The following MYO16 variants were observed in gnomAD, a reference collection of about 807,000 sequenced individuals.
MYO16 encodes the protein unconventional myosin-XVI.
MYO16 carries 94 observed loss-of-function variants against 205.3 expected under a neutral mutation model. That is an observed-to-expected ratio of 0.46 (90% CI 0.39 to 0.54). The LOEUF is 0.54. Among genes scored for constraint, MYO16 ranks in the 20% least tolerant of loss-of-function variants. MYO16 has a pLI of 0.00. For synonymous variants in MYO16, 988 were observed against 954.0 expected (o/e 1.04, Z -0.66); for missense variants, 2,315 against 2,387.5 (o/e 0.97, Z 0.63).
intron 16 of MYO16, among the ~76,000 whole-genome samples, chr13:108,956,521 C>CTT (rs34656407): frequency 3.6e-4 from 55 of 151,230 alleles, no homozygotes; most frequent in East Asian, 1.4e-3. Flanking sequence ...ATGACAAACT[C>CTT]TTTTTTTTTC....
At chr13:108,844,606 T>G (rs764670481) in intron 10 of MYO16, 113 bp downstream of exon 10, 1 of 1,059,508 alleles carries the variant, frequency 9.4e-7, no homozygotes, top group Non-Finnish European at 1.3e-6. Flanking sequence ...CAAAGACAAT[T>G]AATGCATAGA....
chr13:108,592,086 A>T (rs1408506505), upstream of MYO16, among the ~76,000 whole-genome samples: 21 of 27,284 alleles, frequency 7.7e-4, no homozygotes, highest in Non-Finnish European at 1.3e-3. Context: ...GTGGGGGTGG[A>T]GGTGCAGGGG....
chr13:108,985,783 G>T (rs948373722), intron 20 of MYO16, among the ~76,000 whole-genome samples: 2 of 152,194 alleles, frequency 1.3e-5, no homozygotes, highest in African/African-American at 4.8e-5. Flanking sequence ...CTGCATTTAA[G>T]TGCTTCTCAT....
In MYO16 at chr13:109,023,644, AATATATGT is replaced by A. The variant is rs1408455476; in HGVS notation, c.2796+3749_2796+3756del. 2.9e-4 allele frequency among the ~76,000 whole-genome samples: 32 copies of A among 108,938 alleles called. 1 individual carries two copies. The highest frequency in any genetic ancestry group is 9.1e-4 in the African/African-American group (28 of 30,786). The allele number at this position is 108,938 out of a possible 152,430, so 71.5% of individuals were successfully genotyped here. On this transcript the variant is annotated intron_variant, in intron 23 of 34. Transcript: ENST00000457511. ...AAATATATAGACAAATATATATACA[AATATATGT>A]ATATATGTATATATGCAAATATATG...
intron 9 of MYO16, among the ~76,000 whole-genome samples, chr13:108,831,830 A>G (rs577617767): frequency 6.6e-6 from 1 of 152,278 alleles, no homozygotes; most frequent in South Asian, 2.1e-4. Flanking sequence ...ACTTTCTAAG[A>G]ATAACAGAGC....
intron 4 of MYO16, among the ~76,000 whole-genome samples, chr13:108,777,114 C>T (rs529761373): frequency 3.3e-5 from 5 of 152,056 alleles, no homozygotes; most frequent in African/African-American, 7.2e-5. Flanking sequence ...CTTTTACCTC[C>T]GAGGAAACTG....
chr13:108,673,840 ATCT>A (rs1304311195), intron 2 of MYO16, among the ~76,000 whole-genome samples: 5 of 151,980 alleles, frequency 3.3e-5, no homozygotes, highest in African/African-American at 1.2e-4. Context: ...AACCACCCTC[ATCT>A]TCTTCCCAAA....
chr13:109,140,580 G>A lies in MYO16; in HGVS notation c.4368G>A (p.Glu1456=). 1 of 1,532,818 alleles carries A rather than the reference G, an allele frequency of 6.5e-7. No individual in the cohort carries two copies. Among genetic ancestry groups the A allele is most frequent in the Non-Finnish European group, 8.7e-7 (1 of 1,146,266 alleles). The allele number at this position is 1,532,818 out of a possible 1,614,324, so 95.0% of individuals were successfully genotyped here. The change falls in exon 32 of 35, where the codon GAG becomes GAA. Residue 1456 remains glutamate (E), a synonymous_variant. Transcript: ENST00000457511. The surrounding 1 kb of genome is among the most constrained non-coding windows in gnomAD (Gnocchi z 8.0). ...SPDPGESVYE[E]MKCCLPDDGG... ...ACCCCGGGGAGTCCGTGTACGAGGA[G>A]ATGAAGTGTTGCCTGCCCGACGACG...
intron 6 of MYO16, among the ~76,000 whole-genome samples, chr13:108,805,076 A>T (rs539593746): frequency 3.9e-5 from 6 of 152,234 alleles, no homozygotes; most frequent in Non-Finnish European, 7.3e-5. Flanking sequence ...TATTGCATAT[A>T]GCACAGAGTA....
intron 23 of MYO16, among the ~76,000 whole-genome samples, chr13:109,040,383 CACAGAGAGAG>C (rs1400676897): frequency 2.9e-5 from 2 of 70,070 alleles, no homozygotes; most frequent in African/African-American, 5.2e-5. Context: ...CACACACACA[CACAGAGAGAG>C]AGAGAGAGAG....
the MYO16 span, among the ~76,000 whole-genome samples, chr13:108,566,893 G>A: frequency 9.9e-5 from 15 of 152,248 alleles, no homozygotes; most frequent in South Asian, 1.5e-3. Flanking sequence ...ACAGGCTATC[G>A]GCTGTGTTTT....
chr13:108,882,009 T>A (rs912894269), intron 12 of MYO16, among the ~76,000 whole-genome samples: 7 of 152,108 alleles, frequency 4.6e-5, no homozygotes, highest in African/African-American at 1.4e-4. Context: ...TTCACCAAAG[T>A]TGAAATGAAG....
At chr13:109,047,639 C>A (rs1329416658) in intron 24 of MYO16, among the ~76,000 whole-genome samples, 1 of 151,882 alleles carries the variant, frequency 6.6e-6, no homozygotes, top group East Asian at 1.9e-4. Flanking sequence ...TAATTATTTT[C>A]TTAACAGCAG....
intron 2 of MYO16, among the ~76,000 whole-genome samples, chr13:108,705,985 T>C (rs1883493676): frequency 6.6e-6 from 1 of 152,128 alleles, no homozygotes; most frequent in African/African-American, 2.4e-5. Context: ...ACACACTCTA[T>C]ATGACCAATC....
chr13:108,687,088 T>C (rs1368631823), intron 2 of MYO16, among the ~76,000 whole-genome samples: 1 of 152,224 alleles, frequency 6.6e-6, no homozygotes, highest in Non-Finnish European at 1.5e-5. Flanking sequence ...CTTTGCATTG[T>C]TTTCAGATAA....
At chr13:108,528,850 G>C in the MYO16 span, among the ~76,000 whole-genome samples, 1 of 150,372 alleles carries the variant, frequency 6.7e-6, no homozygotes, top group East Asian at 2.0e-4. Context: ...GAGAGGAAGA[G>C]AAACTGACAA....
chr13:108,878,015 A>G (rs553151912), intron 12 of MYO16, among the ~76,000 whole-genome samples: 25 of 152,182 alleles, frequency 1.6e-4, no homozygotes, highest in Non-Finnish European at 2.9e-4. Context: ...ATAGAGATCA[A>G]CACTTGTTTT....
At chr13:108,502,285 A>G in the MYO16 span, among the ~76,000 whole-genome samples, 2 of 151,982 alleles carry the variant, frequency 1.3e-5, no homozygotes, top group African/African-American at 4.8e-5. Flanking sequence ...TGAAGGGAAA[A>G]CCCACAGTAT....
chr13:108,737,349 G>T (rs1463270408), intron 4 of MYO16, among the ~76,000 whole-genome samples: 1 of 152,042 alleles, frequency 6.6e-6, no homozygotes, highest in African/African-American at 2.4e-5. Context: ...TAGCATGAAG[G>T]GCTGTTGAAT....
Sources: allele counts gnomAD v4.1 joint callset (sites outside exome capture counted in the v4.1 genomes callset), GRCh38; gene constraint gnomAD v4.1.1; non-coding constraint Gnocchi (gnomAD v3.1); transcripts MANE v1.5; gene names NCBI Gene and HGNC (gene_info 2026-07-23, HGNC 2026-07-21).